NKAIN2: variants seen among roughly 807,000 people sequenced by gnomAD.
NKAIN2 encodes the protein sodium/potassium transporting ATPase interacting 2, also known as sodium/potassium-transporting ATPase subunit beta-1-interacting protein 2.
NKAIN2 carries 14 observed loss-of-function variants against 32.6 expected under a neutral mutation model. That is an observed-to-expected ratio of 0.43 (90% CI 0.28 to 0.67). The LOEUF (loss-of-function observed/expected upper bound fraction) is 0.67, where lower values mean the gene tolerates loss of function less well. NKAIN2 is among the 30% of genes least tolerant of loss of function. NKAIN2 has a pLI of 0.17. For missense variants in NKAIN2, 198 were observed against 258.3 expected (o/e 0.77, Z 1.60); for synonymous variants, 80 against 87.2 (o/e 0.92, Z 0.46).
intron 1 of NKAIN2, among the ~76,000 whole-genome samples, chr6:123,855,271 G>T (rs771389594): frequency 7.2e-5 from 11 of 151,998 alleles, no homozygotes; most frequent in Non-Finnish European, 1.3e-4. Flanking sequence ...TCCTTCTGTT[G>T]CAATACATAT....
chr6:124,281,062 G>A (rs1442634666), intron 1 of NKAIN2, among the ~76,000 whole-genome samples: 1 of 151,948 alleles, frequency 6.6e-6, no homozygotes, highest in Non-Finnish European at 1.5e-5. Flanking sequence ...ATAATTAATA[G>A]GACTGCTATT....
chr6:124,607,582 G>T, intron 3 of NKAIN2, among the ~76,000 whole-genome samples: 1 of 151,990 alleles, frequency 6.6e-6, no homozygotes, highest in Non-Finnish European at 1.5e-5. Context: ...ATGGCCTATT[G>T]CTTATTTAAC....
intron 3 of NKAIN2, among the ~76,000 whole-genome samples, chr6:124,439,635 T>TTTTTA (rs1775607328): frequency 6.6e-6 from 1 of 151,906 alleles, no homozygotes; most frequent in Non-Finnish European, 1.5e-5. Context: ...TTCCGTTTTT[T>TTTTTA]TTTTAATCAG....
chr6:124,117,675 A>T (rs1435906091), intron 1 of NKAIN2, among the ~76,000 whole-genome samples: 1 of 152,008 alleles, frequency 6.6e-6, no homozygotes, highest in Non-Finnish European at 1.5e-5. Flanking sequence ...AAAAGAAAAT[A>T]TGTAGATGTA....
intron 1 of NKAIN2, among the ~76,000 whole-genome samples, chr6:123,967,479 A>G (rs781439199): frequency 1.3e-5 from 2 of 151,906 alleles, no homozygotes; most frequent in African/African-American, 2.4e-5. Flanking sequence ...TGACTCTGCT[A>G]CTCTCTATTG....
chr6:123,959,394 T>G (rs1212020219), intron 1 of NKAIN2, among the ~76,000 whole-genome samples: 1 of 152,162 alleles, frequency 6.6e-6, no homozygotes, highest in South Asian at 2.1e-4. Flanking sequence ...CCAGGAGTCC[T>G]TCAGGCAACT....
chr6:124,334,551 G>T (rs957230472), intron 2 of NKAIN2, among the ~76,000 whole-genome samples: 3 of 39,990 alleles, frequency 7.5e-5, no homozygotes, highest in Admixed American at 3.0e-4. Flanking sequence ...GTCGGTTCCT[G>T]GTGGGGGGCA....
chr6:124,740,739 A>T (rs1777167915), intron 4 of NKAIN2, among the ~76,000 whole-genome samples: 1 of 151,908 alleles, frequency 6.6e-6, no homozygotes, highest in African/African-American at 2.4e-5. Context: ...GTGTGTGTGA[A>T]GAGGAATGAG....
At chr6:123,918,042 T>C (rs111729416) in intron 1 of NKAIN2, among the ~76,000 whole-genome samples, 1,847 of 152,316 alleles carry the variant, frequency 0.012, 35 homozygotes, top group African/African-American at 0.042. Context: ...TATGTCCTTA[T>C]TATATGACTA....
intron 1 of NKAIN2, among the ~76,000 whole-genome samples, chr6:123,958,239 G>GA (rs372824481): frequency 2.7e-4 from 40 of 146,834 alleles, no homozygotes; most frequent in African/African-American, 5.0e-4. Flanking sequence ...ATTTTTGAAG[G>GA]AAAAAAAAAA....
At chr6:124,785,623 C>G (rs1203192390) in intron 4 of NKAIN2, among the ~76,000 whole-genome samples, 1 of 152,110 alleles carries the variant, frequency 6.6e-6, no homozygotes, top group Non-Finnish European at 1.5e-5. Context: ...CCCACTTAGC[C>G]TCCATTGAGA....
At chr6:124,635,057 G>GAGAA (rs1287098636) in intron 3 of NKAIN2, among the ~76,000 whole-genome samples, 1 of 149,836 alleles carries the variant, frequency 6.7e-6, no homozygotes, top group Non-Finnish European at 1.5e-5. Flanking sequence ...GAAGGAAAGA[G>GAGAA]AGAAAGAAAG....
At chr6:124,407,839 A>G (rs1773940082) in intron 3 of NKAIN2, among the ~76,000 whole-genome samples, 1 of 149,548 alleles carries the variant, frequency 6.7e-6, no homozygotes, top group Non-Finnish European at 1.5e-5. Flanking sequence ...CTATTTCTCC[A>G]CATCCTCTCC....
intron 5 of NKAIN2, among the ~76,000 whole-genome samples, chr6:124,802,980 C>A (rs191773294): frequency 1.1e-3 from 172 of 152,260 alleles, no homozygotes; most frequent in Admixed American, 3.2e-3. Flanking sequence ...TGACGATGCC[C>A]AGATTCAATT....
At chr6:124,622,485 G>A (rs1439576856) in intron 3 of NKAIN2, among the ~76,000 whole-genome samples, 2 of 152,154 alleles carry the variant, frequency 1.3e-5, no homozygotes, top group Non-Finnish European at 2.9e-5. Context: ...TGCTCTCTTA[G>A]CCTTGCTGTC....
chr6:123,934,744 T>C (rs760236735), intron 1 of NKAIN2, among the ~76,000 whole-genome samples: 20 of 152,122 alleles, frequency 1.3e-4, no homozygotes, highest in Non-Finnish European at 2.6e-4. Context: ...ACATTCAAAA[T>C]GTATTTTTGG....
intron 3 of NKAIN2, among the ~76,000 whole-genome samples, chr6:124,625,396 C>CACTT (rs1461508840): frequency 2.6e-5 from 4 of 152,182 alleles, no homozygotes; most frequent in African/African-American, 7.2e-5. Context: ...TGCCGCTCTT[C>CACTT]ACTTATGCTG....
intron 3 of NKAIN2, among the ~76,000 whole-genome samples, chr6:124,368,543 T>C (rs2114312541): frequency 6.6e-6 from 1 of 151,868 alleles, no homozygotes; most frequent in African/African-American, 2.4e-5. Context: ...AACAGAAGAG[T>C]CCCCCTGAGC....
At chr6:123,911,901 G>A (rs117055796) in intron 1 of NKAIN2, among the ~76,000 whole-genome samples, 2,246 of 144,710 alleles carry the variant, frequency 0.016, 39 homozygotes, top group Non-Finnish European at 0.021. Context: ...TTTCAAACTG[G>A]GCATCAACCA....
Sources: gnomAD v4.1 joint callset for allele counts (sites outside exome capture counted in the v4.1 genomes callset) on GRCh38, gnomAD v4.1.1 for gene constraint, MANE v1.5 for transcripts, NCBI Gene and HGNC (gene_info 2026-07-23, HGNC 2026-07-21) for gene names.